ITGA7: variants seen among roughly 807,000 people sequenced by gnomAD.
ITGA7 encodes the protein integrin subunit alpha 7, also known as integrin alpha-7.
ITGA7 carries 84 observed loss-of-function variants against 131.6 expected under a neutral mutation model. That is an observed-to-expected ratio of 0.64 (90% confidence interval 0.54 to 0.77). The LOEUF is 0.77. Among genes scored for constraint, ITGA7 ranks in the 30% least tolerant of loss-of-function variants. The pLI, the probability that ITGA7 is intolerant of heterozygous loss-of-function variation, is 0.00. For synonymous variants in ITGA7, 548 were observed against 600.7 expected (o/e 0.91, Z 1.28); for missense variants, 1,399 against 1,482.9 (o/e 0.94, Z 0.93).
At chr12:55,700,159 G>T in intron 4 of ITGA7, 170 bp from the exon 5 acceptor site, 1 of 1,441,376 alleles carries the variant, frequency 6.9e-7, no homozygotes, top group Non-Finnish European at 9.5e-7. Context: ...GAGAGACAAG[G>T]TGAGAGACAG....
upstream of ITGA7, among the ~76,000 whole-genome samples, chr12:55,709,710 T>C (rs372031720): frequency 7.2e-5 from 8 of 111,248 alleles, no homozygotes; most frequent in East Asian, 1.8e-3. Context: ...TCAAAATGCC[T>C]TTAGAGCCCA....
chr12:55,705,009 T>G (rs897427795), intron 1 of ITGA7, among the ~76,000 whole-genome samples: 1 of 152,220 alleles, frequency 6.6e-6, no homozygotes, highest in Non-Finnish European at 1.5e-5. Flanking sequence ...AGAATGTGTT[T>G]ACTGAACACA....
upstream of ITGA7, among the ~76,000 whole-genome samples, chr12:55,715,728 C>A (rs1316588365): frequency 6.6e-6 from 1 of 152,114 alleles, no homozygotes; most frequent in African/African-American, 2.4e-5. Context: ...AACTGAGAAC[C>A]AGCTAGCACT....
At chr12:55,701,475 A>T in intron 3 of ITGA7, 1 of 1,523,194 alleles carries the variant, frequency 6.6e-7, no homozygotes, top group Non-Finnish European at 8.9e-7. Flanking sequence ...CTCCCTGATC[A>T]TGTCACAGTC....
At chr12:55,707,967 C>T (rs1007814406), upstream of ITGA7, 1 of 1,309,670 alleles carries the variant, frequency 7.6e-7, no homozygotes, top group Non-Finnish European at 9.7e-7. Flanking sequence ...CCGCCCCTCG[C>T]TCCCGCGGCA....
At position 55,701,803 on chromosome 12, in the gene ITGA7, T is replaced by C. The variant is rs528251056; in HGVS notation, c.415-649A>G. On this transcript the variant is annotated intron_variant, in intron 3 of 24. Transcript: ENST00000257879. ...CCACTATGTTGCACAGGCTAGGTAT[T>C]ACCTATTATTAAAGCCTGGCTCAAA... 3.0e-4 allele frequency among the ~76,000 whole-genome samples: 45 copies of C among 152,250 alleles called. 2 individuals carry two copies. The highest frequency in any genetic ancestry group is 8.5e-4 in the Admixed American group (13 of 15,302).
chr12:55,700,838 C>T (rs772680089), intron 4 of ITGA7, 61 bp downstream of exon 4: 83 of 1,609,674 alleles, frequency 5.2e-5, no homozygotes, highest in Non-Finnish European at 6.5e-5. Context: ...CATCCCCAAC[C>T]CTGTCTCTGA....
chr12:55,694,581 C>T lies in ITGA7; in HGVS notation c.2277+34G>A. 6.2e-7 allele frequency: 1 copy of T among 1,613,236 alleles called. No individual in the cohort carries two copies. Among genetic ancestry groups the T allele is most frequent in the Non-Finnish European group, 8.5e-7 (1 of 1,179,190 alleles). On this transcript the variant is annotated intron_variant, in intron 16 of 24. Transcript: ENST00000257879. The surrounding 1 kb of genome is among the most constrained non-coding windows in gnomAD (Gnocchi z 5.3). The stretch of plus-strand genomic sequence containing the variant: ...GGTGGTCTACGGGCTTATGGAGAGG[C>T]TACTCACGTAGGGATAAGGGCAGAT...
chr12:55,699,766 G>T, intron 5 of ITGA7, 104 bp downstream of exon 5: 4 of 1,391,038 alleles, frequency 2.9e-6, no homozygotes, highest in Non-Finnish European at 4.0e-6. Flanking sequence ...CTGGGTGTGT[G>T]TTGGGGGAGG....
upstream of ITGA7, among the ~76,000 whole-genome samples, chr12:55,710,014 G>T (rs778405856): frequency 1.3e-5 from 2 of 152,202 alleles, no homozygotes; most frequent in Non-Finnish European, 2.9e-5. Flanking sequence ...AAGGAGAAAT[G>T]AGACCAGAAT....
chr12:55,710,924 T>C (rs1182804771), upstream of ITGA7, among the ~76,000 whole-genome samples: 1 of 152,208 alleles, frequency 6.6e-6, no homozygotes, highest in African/African-American at 2.4e-5. Context: ...TTTGTGGTGA[T>C]GGGTTTTGTA....
chr12:55,707,823 C>CG lies in ITGA7; in HGVS notation c.-142_-141insC. ...CTCCCAGACGTTCGCCCCGCCAGCC[C>CG]TCCCGCCCGCCCGCCGCTCCGCCAC... On this transcript the variant is annotated 5_prime_UTR_variant, in exon 1 of 25. Transcript: ENST00000257879. 2.1e-6 allele frequency: 3 copies of CG among 1,456,440 alleles called. No individual in the cohort carries two copies. Among genetic ancestry groups the CG allele is most frequent in the Non-Finnish European group, 2.7e-6 (3 of 1,098,100 alleles). 90.2% of individuals were successfully genotyped at this position (1,456,440 alleles called of 1,614,324 possible).
upstream of ITGA7, among the ~76,000 whole-genome samples, chr12:55,713,110 C>G (rs564835770): frequency 2.0e-5 from 3 of 151,992 alleles, no homozygotes; most frequent in Admixed American, 6.5e-5. Flanking sequence ...CAACCCATGT[C>G]CTTCTCTTCC....
chr12:55,703,838 C>G (rs1874609079), intron 1 of ITGA7, among the ~76,000 whole-genome samples: 2 of 152,210 alleles, frequency 1.3e-5, no homozygotes, highest in South Asian at 4.1e-4. Context: ...CTACCCCATT[C>G]TCTTCCCGAC....
chr12:55,712,195 T>C (rs1271891784), upstream of ITGA7: 3 of 1,551,474 alleles, frequency 1.9e-6, no homozygotes, highest in East Asian at 4.9e-5. Context: ...GCTTGACCGC[T>C]CCGGTCTTTG....
intron 1 of ITGA7, among the ~76,000 whole-genome samples, chr12:55,704,138 C>A (rs997054269): frequency 2.6e-5 from 4 of 152,210 alleles, no homozygotes; most frequent in Non-Finnish European, 5.9e-5. Flanking sequence ...CCTCTCTTTG[C>A]AGAAGGAGAG....
chr12:55,694,852 C>T lies in ITGA7; in HGVS notation c.2122G>A (p.Ala708Thr). Residue 708 changes from alanine to threonine, a missense_variant, in exon 15 of 25, where the codon GCC (alanine) becomes ACC (threonine). Transcript: ENST00000257879. The surrounding 1 kb of genome is among the most constrained non-coding windows in gnomAD (Gnocchi z 5.3). ...ATGACCAGGAGCTGGGCTTCATGGGCATCATCCCCATCAGCCTGGGGCTGG... is the reference window on the plus strand; with the variant it reads ...ATGACCAGGAGCTGGGCTTCATGGGTATCATCCCCATCAGCCTGGGGCTGG... ...PAQPQADGDD[A>T]HEAQLLVMLP... The T allele has an allele frequency of 6.2e-7, 1 of 1,614,052 alleles. No homozygotes were observed. Among genetic ancestry groups the T allele is most frequent in the Non-Finnish European group, 8.5e-7 (1 of 1,180,000 alleles).
Position 55,695,549 on chromosome 12 carries a change from C to A in ITGA7, c.1976G>T (p.Ser659Ile). 6.2e-7 allele frequency: 1 copy of A among 1,613,734 alleles called. No individual in the cohort carries two copies. Among genetic ancestry groups the A allele is most frequent in the Non-Finnish European group, 8.5e-7 (1 of 1,179,810 alleles). Residue 659 changes from serine to isoleucine, a missense_variant, in exon 14 of 25, where the codon AGC becomes ATC. Ser to Ile is a moderately radical substitution (Grantham distance 142). Transcript: ENST00000257879. ...GGGCAGAGGTTGGAATTCCGTGTCG[C>A]TGACCCGGGTACAGAAGCGGGCGCG... ...LVRARFCTRVSDTEFQPLPMD... is the reference protein window; with the variant it reads ...LVRARFCTRVIDTEFQPLPMD...
intron 5 of ITGA7, chr12:55,699,512 A>G (rs1873474370): frequency 2.9e-6 from 1 of 346,104 alleles, no homozygotes; most frequent in Admixed American, 4.2e-5. Flanking sequence ...GGGACTTACC[A>G]ACAACATTAG....
Sources: allele counts gnomAD v4.1 joint callset (sites outside exome capture counted in the v4.1 genomes callset), GRCh38; gene constraint gnomAD v4.1.1; non-coding constraint Gnocchi (gnomAD v3.1); transcripts MANE v1.5; gene names NCBI Gene and HGNC (gene_info 2026-07-23, HGNC 2026-07-21).